MYO9A: variants seen among roughly 807,000 people sequenced by gnomAD.
MYO9A encodes the protein unconventional myosin-IXa.
Under a neutral mutation model 293.3 loss-of-function variants are expected in MYO9A, and 103 were observed. That is an observed-to-expected ratio of 0.35 (90% CI 0.30 to 0.41). The LOEUF (loss-of-function observed/expected upper bound fraction) is 0.41, where lower values mean the gene tolerates loss of function less well. Among genes scored for constraint, MYO9A ranks in the 10% least tolerant of loss-of-function variants. MYO9A has a pLI of 1.00. For missense variants in MYO9A, 2,685 were observed against 3,033.0 expected, an observed-to-expected ratio of 0.89 and a Z score of 2.69; for synonymous variants, 1,001 against 1,035.7, an observed-to-expected ratio of 0.97 and a Z score of 0.64.
chr15:71,832,107 T>C (rs982863915), intron 39 of MYO9A, among the ~76,000 whole-genome samples: 3 of 152,128 alleles, frequency 2.0e-5, no homozygotes, highest in African/African-American at 4.8e-5. Context: ...AGAAACCCCA[T>C]TTCCACTGAA....
intron 1 of MYO9A, among the ~76,000 whole-genome samples, chr15:72,066,698 G>T (rs905602360): frequency 1.3e-5 from 2 of 152,024 alleles, no homozygotes; most frequent in Non-Finnish European, 2.9e-5. Context: ...CTTAATATGG[G>T]TGGTGGATAA....
chr15:71,826,659 C>A lies in MYO9A; in HGVS notation c.7568G>T (p.Gly2523Val). Residue 2523 changes from glycine (G) to valine (V), a missense_variant, in exon 42 of 42, where the codon GGC (glycine) becomes GTC (valine). Physicochemically the swap from Gly to Val is moderately radical, Grantham distance 109 (BLOSUM62 -3). Around this residue, in one of 10 missense-constraint regions of MYO9A, gnomAD observed 350 missense variants for 328.9 expected, o/e 1.06. Coordinates refer to ENST00000356056, the MANE Select transcript of MYO9A (RefSeq NM_006901.4). ...KETPEGTVMS[G>V]RRKTVDPDCT... ...GTCTGGGTCCACAGTTTTTCTGCGG[C>A]CAGACATGACTGTCCCCTCTGGGGT... 6.2e-7 allele frequency: 1 copy of A among 1,613,296 alleles called. No individual in the cohort carries two copies. The highest frequency in any genetic ancestry group is 8.5e-7 in the Non-Finnish European group (1 of 1,179,832).
At chr15:71,992,797 A>G (rs1199521999) in intron 10 of MYO9A, among the ~76,000 whole-genome samples, 1 of 151,538 alleles carries the variant, frequency 6.6e-6, no homozygotes, top group African/African-American at 2.4e-5. Flanking sequence ...CTAAACATAA[A>G]AAAATTATAA....
intron 12 of MYO9A, among the ~76,000 whole-genome samples, chr15:71,977,915 T>G (rs1040700114): frequency 6.6e-6 from 1 of 152,070 alleles, no homozygotes; most frequent in Non-Finnish European, 1.5e-5. Flanking sequence ...CGGGCACCTG[T>G]AGTCCCAGCT....
Position 71,975,887 on chromosome 15 carries a change from G to C in MYO9A, c.1844+2284C>G, listed in dbSNP as rs117006323. 1.9e-3 allele frequency among the ~76,000 whole-genome samples: 286 copies of C among 152,278 alleles called. 2 individuals are homozygous for C. Among genetic ancestry groups the C allele is most frequent in the Middle Eastern group, 0.014 (4 of 294 alleles). ...GCATTCAGAGAGATTCTGAATAGCTGAACATGTGGGAGTTCCTGGAGGGTG... is the reference window on the plus strand; with the variant it reads ...GCATTCAGAGAGATTCTGAATAGCTCAACATGTGGGAGTTCCTGGAGGGTG... On this transcript the variant is annotated intron_variant, in intron 12 of 41. Coordinates refer to ENST00000356056, the MANE Select transcript of MYO9A (RefSeq NM_006901.4).
Position 71,826,827 on chromosome 15 carries a change from T to A in MYO9A, c.7400A>T (p.Glu2467Val). The A allele has an allele frequency of 6.2e-7, 1 of 1,614,178 alleles. No homozygotes were observed. The highest frequency in any genetic ancestry group is 8.5e-7 in the Non-Finnish European group (1 of 1,179,996). The change falls in exon 42 of 42, where the codon GAG becomes GTG. Residue 2467 changes from glutamate (E) to valine (V), a missense_variant. Physicochemically the swap from Glu to Val is moderately radical, Grantham distance 121. This residue lies in a region of MYO9A where 350 missense variants were observed against 328.9 expected (regional missense o/e 1.06). Coordinates refer to ENST00000356056, the MANE Select transcript of MYO9A (RefSeq NM_006901.4). Reference sequence around the variant, plus strand: ...CAATGGTCCTTCCATTCCCAGGGCCTCATTACCTGAGGCAGCTCGGTAGAA... The same window carrying A: ...CAATGGTCCTTCCATTCCCAGGGCCACATTACCTGAGGCAGCTCGGTAGAA... ...SPFYRAASGNEALGMEGPLGQ... is the reference protein window; with the variant it reads ...SPFYRAASGNVALGMEGPLGQ...
chr15:71,912,257 AG>A (rs2057875447), intron 19 of MYO9A, among the ~76,000 whole-genome samples: 1 of 144,724 alleles, frequency 6.9e-6, no homozygotes, highest in South Asian at 2.3e-4. Flanking sequence ...AAAAGAGAAA[AG>A]TTTTTTTTTT....
chr15:71,904,386 C>T (rs2057570331), intron 20 of MYO9A, among the ~76,000 whole-genome samples: 1 of 152,220 alleles, frequency 6.6e-6, no homozygotes, highest in South Asian at 2.1e-4. Flanking sequence ...GGTGTAGTGG[C>T]TCACGCCTAT....
At chr15:72,052,714 TC>T (rs1203479472) in intron 1 of MYO9A, among the ~76,000 whole-genome samples, 1 of 152,166 alleles carries the variant, frequency 6.6e-6, no homozygotes, top group Admixed American at 6.5e-5. Flanking sequence ...GTATGCCTGA[TC>T]CACAGCCTTG....
intron 32 of MYO9A, among the ~76,000 whole-genome samples, chr15:71,874,229 G>T (rs1389302411): frequency 6.6e-6 from 1 of 152,214 alleles, no homozygotes; most frequent in Non-Finnish European, 1.5e-5. Context: ...TTACAAGCAA[G>T]AGGGGATGAT....
chr15:71,907,379 T>C (rs1270728797), intron 19 of MYO9A, among the ~76,000 whole-genome samples: 18 of 142,898 alleles, frequency 1.3e-4, no homozygotes, highest in Non-Finnish European at 2.1e-4. Context: ...GTCTTTGCTA[T>C]TGTGAATAGT....
At chr15:72,093,192 T>C (rs1393067154) in intron 1 of MYO9A, among the ~76,000 whole-genome samples, 1 of 152,054 alleles carries the variant, frequency 6.6e-6, no homozygotes, top group Non-Finnish European at 1.5e-5. Flanking sequence ...ACAAACAAGC[T>C]TGAAAGGGTC....
At position 71,852,116 on chromosome 15, in the gene MYO9A, G is replaced by C. The variant is rs771131811; in HGVS notation, c.6475+16C>G. Reference sequence around the variant, plus strand: ...AACTATAGGCCTTCTCTCTAACCCAGGAAGCCTATGCTTACCCATAGCTCG... The same window carrying C: ...AACTATAGGCCTTCTCTCTAACCCACGAAGCCTATGCTTACCCATAGCTCG... On this transcript the variant is annotated intron_variant, in intron 36 of 41. Coordinates refer to ENST00000356056, the MANE Select transcript of MYO9A (RefSeq NM_006901.4). The C allele has an allele frequency of 5.6e-6, 9 of 1,601,502 alleles. No individual in the cohort carries two copies. The African/African-American group carries it at 1.2e-4, about 21-fold the overall frequency.
intron 12 of MYO9A, 135 bp downstream of exon 12, chr15:71,978,036 C>T: frequency 1.9e-6 from 2 of 1,054,478 alleles, no homozygotes; most frequent in Non-Finnish European, 2.7e-6. Flanking sequence ...GACTCCGTCT[C>T]AAAAATAAAT....
At chr15:71,854,620 C>T (rs755058352) in intron 34 of MYO9A, 51 bp from the exon 35 acceptor site, 1 of 1,374,024 alleles carries the variant, frequency 7.3e-7, no homozygotes, top group Non-Finnish European at 9.7e-7. Context: ...CATCTTGAAA[C>T]ATGTTTAACC....
chr15:72,044,623 T>C lies in MYO9A; in HGVS notation c.840+1101A>G, dbSNP rs2078327413. ...CAAATTCCACATATAAGTGAGACTG[T>C]GGAGTACTTGTCCTTCTGTATTATC... On this transcript the variant is annotated intron_variant, in intron 2 of 41. Transcript: ENST00000356056. Among the ~76,000 whole-genome samples, 11 of 152,334 alleles carry C rather than the reference T, an allele frequency of 7.2e-5. No individual in the cohort carries two copies. The South Asian group carries it at 1.9e-3, about 26-fold the overall frequency.
chr15:71,982,816 A>G (rs1473429585), intron 11 of MYO9A, among the ~76,000 whole-genome samples: 1 of 152,178 alleles, frequency 6.6e-6, no homozygotes, highest in Non-Finnish European at 1.5e-5. Flanking sequence ...ATTGCTTTAT[A>G]TATTTTGAGG....
chr15:71,905,838 T>C (rs184799881), intron 19 of MYO9A, among the ~76,000 whole-genome samples: 1 of 151,886 alleles, frequency 6.6e-6, no homozygotes, highest in African/African-American at 2.4e-5. Context: ...TTTGTCTATT[T>C]TTCTGTTTTT....
intron 12 of MYO9A, among the ~76,000 whole-genome samples, chr15:71,971,642 T>C (rs2076014604): frequency 6.6e-6 from 1 of 151,280 alleles, no homozygotes; most frequent in African/African-American, 2.4e-5. Context: ...CCTCAGTTGC[T>C]GTTTACAAAC....
Sources: allele counts gnomAD v4.1 joint callset (sites outside exome capture counted in the v4.1 genomes callset), GRCh38; gene constraint gnomAD v4.1.1; regional missense constraint gnomAD v4.1.1; transcripts MANE v1.5; gene names NCBI Gene and HGNC (gene_info 2026-07-23, HGNC 2026-07-21).